The following CRLS1 variants were observed in gnomAD, a reference collection of about 807,000 sequenced individuals.
CRLS1 encodes the protein cardiolipin synthase 1, also known as cardiolipin synthase (CMP-forming).
Under a neutral mutation model 37.0 loss-of-function variants are expected in CRLS1, and 24 were observed. The ratio of observed to expected loss-of-function variants is 0.65; its 90% CI spans 0.47 to 0.91. The LOEUF (loss-of-function observed/expected upper bound fraction) is 0.91. Among genes scored for constraint, CRLS1 ranks in the 40% least tolerant of loss-of-function variants. The pLI is 0.00. For missense variants in CRLS1, 373 were observed against 395.8 expected (o/e 0.94, Z 0.49); for synonymous variants, 135 against 159.7 (o/e 0.85, Z 1.17).
chr20:6,039,257 TTGTTTGTG>T lies in CRLS1; in HGVS notation c.*2103_*2110del, dbSNP rs1180218337. On this transcript the variant is annotated 3_prime_UTR_variant, in exon 7 of 7. Coordinates refer to ENST00000378863, the MANE Select transcript of CRLS1 (RefSeq NM_019095.6). Reference sequence around the variant, plus strand: ...TGCACACCAACTGTGCTTTGCAGTTTTGTTTGTGTGTGTGTGTGTGTGTGTGTGTGTGT... The same window carrying T: ...TGCACACCAACTGTGCTTTGCAGTTTTGTGTGTGTGTGTGTGTGTGTGTGT... 7.0e-5 allele frequency: 9 copies of T among 128,668 alleles called. No homozygotes were observed. Among genetic ancestry groups the T allele is most frequent in the African/African-American group, 1.9e-4 (6 of 31,138 alleles). 8.0% of individuals were successfully genotyped at this position (128,668 alleles called of 1,614,324 possible). A position where few individuals can be genotyped will look rare whatever the true frequency, so the allele number is the denominator to read the frequency against.
At position 6,037,574 on chromosome 20, in the gene CRLS1, C is replaced by A. The variant is rs1180852814; in HGVS notation, c.*416C>A. On this transcript the variant is annotated 3_prime_UTR_variant, in exon 7 of 7. Coordinates refer to ENST00000378863, the MANE Select transcript of CRLS1 (RefSeq NM_019095.6). The stretch of plus-strand genomic sequence containing the variant: ...CAAATATATATCCTACACAACTGGG[C>A]AATACATTTTTGTTTGATTTTTAGG... 6.5e-6 allele frequency: 1 copy of A among 153,448 alleles called. No homozygotes were observed. Among genetic ancestry groups the A allele is most frequent in the Non-Finnish European group, 1.4e-5 (1 of 69,002 alleles). 9.5% of individuals were successfully genotyped at this position (153,448 alleles called of 1,614,324 possible). A position where few individuals can be genotyped will look rare whatever the true frequency, so the allele number is the denominator to read the frequency against.
At chr20:6,014,491 C>T (rs1339066831) in intron 2 of CRLS1, among the ~76,000 whole-genome samples, 1 of 152,126 alleles carries the variant, frequency 6.6e-6, no homozygotes, top group Non-Finnish European at 1.5e-5. Flanking sequence ...TTTGTTGAAA[C>T]TTGAAGTTAA....
upstream of CRLS1, chr20:6,006,019 C>G (rs923150171): frequency 2.6e-5 from 9 of 345,920 alleles, no homozygotes; most frequent in East Asian, 3.9e-4. Flanking sequence ...CCAGGGGCGC[C>G]GGGAAGCCCG....
intron 3 of CRLS1, among the ~76,000 whole-genome samples, chr20:6,021,283 T>C (rs1345425461): frequency 6.6e-6 from 1 of 152,036 alleles, no homozygotes; most frequent in African/African-American, 2.4e-5. Flanking sequence ...GCCAGGCTGG[T>C]CTTGAACCCC....
chr20:6,026,765 G>A (rs1979741213), intron 3 of CRLS1, among the ~76,000 whole-genome samples: 1 of 152,126 alleles, frequency 6.6e-6, no homozygotes, highest in Non-Finnish European at 1.5e-5. Flanking sequence ...TGCTTGGGAA[G>A]TATAAATGCC....
intron 1 of CRLS1, among the ~76,000 whole-genome samples, chr20:6,007,006 T>C (rs2090066159): frequency 6.6e-6 from 1 of 152,200 alleles, no homozygotes; most frequent in Non-Finnish European, 1.5e-5. Context: ...CATTATAGGA[T>C]GAAGGTAATT....
intron 3 of CRLS1, among the ~76,000 whole-genome samples, chr20:6,022,043 T>A (rs1979321838): frequency 6.6e-6 from 1 of 152,210 alleles, no homozygotes; most frequent in South Asian, 2.1e-4. Context: ...TTTAAATTTA[T>A]CTTCATATTT....
intron 1 of CRLS1, 130 bp from the exon 2 acceptor site, chr20:6,009,645 G>T (rs750046231): frequency 6.1e-6 from 4 of 653,562 alleles, no homozygotes; most frequent in Non-Finnish European, 9.9e-6. Flanking sequence ...TCAATTTAAT[G>T]TACTAAATTT....
chr20:6,028,909 TAGAAG>T (rs1226554185), intron 3 of CRLS1, among the ~76,000 whole-genome samples: 3 of 152,350 alleles, frequency 2.0e-5, no homozygotes, highest in East Asian at 1.9e-4. Context: ...GTTTTAACTC[TAGAAG>T]AGAAGAGGAG....
intron 1 of CRLS1, among the ~76,000 whole-genome samples, chr20:6,009,091 G>A (rs1236675910): frequency 7.2e-5 from 11 of 152,274 alleles, no homozygotes; most frequent in African/African-American, 2.4e-4. Context: ...TTGGGAGGCC[G>A]AGGCAGGTGG....
intron 6 of CRLS1, among the ~76,000 whole-genome samples, chr20:6,036,142 G>A (rs1021827712): frequency 2.6e-5 from 4 of 151,948 alleles, no homozygotes; most frequent in African/African-American, 9.7e-5. Flanking sequence ...TAGAAACAGG[G>A]TCTCACTATG....
chr20:6,014,374 A>T (rs1978577448), intron 2 of CRLS1, among the ~76,000 whole-genome samples: 1 of 152,188 alleles, frequency 6.6e-6, no homozygotes, highest in African/African-American at 2.4e-5. Context: ...AACTCATTGG[A>T]ATACTTGAGA....
At chr20:6,021,638 T>G (rs991743530) in intron 3 of CRLS1, among the ~76,000 whole-genome samples, 2 of 152,210 alleles carry the variant, frequency 1.3e-5, no homozygotes, top group African/African-American at 2.4e-5. Flanking sequence ...AAATAACATA[T>G]TTTAAATAAA....
chr20:6,006,564 T>C lies in CRLS1; in HGVS notation c.306+12T>C. ...GCACCCCCAGCCTGGTACGTACCGA[T>C]GAGGCGGCGGCGGGCCGGCCCTGGG... On this transcript the variant is annotated intron_variant, in intron 1 of 6. Transcript: ENST00000378863. The C allele has an allele frequency of 4.0e-6, 5 of 1,262,208 alleles. No homozygotes were observed. Among genetic ancestry groups the C allele is most frequent in the Non-Finnish European group, 5.0e-6 (5 of 1,008,342 alleles). The allele number at this position is 1,262,208 out of a possible 1,614,324, so 78.2% of individuals were successfully genotyped here. A position where few individuals can be genotyped will look rare whatever the true frequency, so the allele number is the denominator to read the frequency against.
chr20:6,007,283 C>A, intron 1 of CRLS1: 1 of 1,560,232 alleles, frequency 6.4e-7, no homozygotes, highest in African/African-American at 1.4e-5. Context: ...GTGGCCAGAT[C>A]CTGGCAGGGG....
chr20:6,020,604 A>G (rs1167398473), intron 3 of CRLS1, among the ~76,000 whole-genome samples: 2 of 150,812 alleles, frequency 1.3e-5, no homozygotes, highest in Non-Finnish European at 2.9e-5. Flanking sequence ...TCATAGGTCT[A>G]TTAGATCAAG....
In CRLS1 at chr20:6,007,547, TC is replaced by T. The variant is rs533134305; in HGVS notation, c.306+997del. 14 of 822,012 alleles carry T rather than the reference TC, an allele frequency of 1.7e-5. No individual in the cohort carries two copies. The South Asian group carries it at 2.1e-4, about 12-fold the overall frequency. 50.9% of individuals were successfully genotyped at this position (822,012 alleles called of 1,614,324 possible). ...AGCTAAAAAGAACTCCCTTCACTGT[TC>T]CAGCAACATTGAGTTCTGTTTGTTA... On this transcript the variant is annotated intron_variant, in intron 1 of 6. Coordinates refer to ENST00000378863, the MANE Select transcript of CRLS1 (RefSeq NM_019095.6).
rs1978670672 is a variant in CRLS1 at position 6,015,455 on chromosome 20, T to C, written c.539T>C (p.Leu180Ser). The C allele has an allele frequency of 6.2e-7, 1 of 1,612,850 alleles. No homozygotes were observed. Among genetic ancestry groups the C allele is most frequent in the Non-Finnish European group, 8.5e-7 (1 of 1,179,038 alleles). ...GCTGATAAAATACTTATCAGTATCTTATATGTTAGCTTGACCTATGCAGAT... is the reference window on the plus strand; with the variant it reads ...GCTGATAAAATACTTATCAGTATCTCATATGTTAGCTTGACCTATGCAGAT... Reference protein sequence around the residue: ...PLADKILISILYVSLTYADLI... With the variant: ...PLADKILISISYVSLTYADLI... Residue 180 changes from leucine (L) to serine (S), a missense_variant, in exon 3 of 7, where the codon TTA (leucine) becomes TCA (serine). Coordinates refer to ENST00000378863, the MANE Select transcript of CRLS1 (RefSeq NM_019095.6).
In CRLS1 at chr20:6,009,547, G is replaced by A. The variant is rs41282948; in HGVS notation, c.307-228G>A. Among the ~76,000 whole-genome samples, 860 of 152,238 alleles carry A rather than the reference G, an allele frequency of 5.6e-3. 4 individuals carry two copies. Among genetic ancestry groups the A allele is most frequent in the Non-Finnish European group, 9.0e-3 (612 of 68,008 alleles). Reference sequence around the variant, plus strand: ...CTCCTGAAGTGCAGGGATTATAGGCGTGAGCCATCATGCCCAGCCATCTTC... The same window carrying A: ...CTCCTGAAGTGCAGGGATTATAGGCATGAGCCATCATGCCCAGCCATCTTC... On this transcript the variant is annotated intron_variant, in intron 1 of 6. Transcript: ENST00000378863.
Sources: allele counts gnomAD v4.1 joint callset (sites outside exome capture counted in the v4.1 genomes callset), GRCh38; gene constraint gnomAD v4.1.1; transcripts MANE v1.5; gene names NCBI Gene and HGNC (gene_info 2026-07-23, HGNC 2026-07-21).